ESRRB: variants seen among roughly 807,000 people sequenced by gnomAD.
ESRRB encodes steroid hormone receptor ERR2.
A neutral mutation model predicts 46.0 loss-of-function variants in ESRRB; 16 were observed. That is an observed-to-expected ratio of 0.35 (90% CI 0.24 to 0.53). The LOEUF is 0.53. Among genes scored for constraint, ESRRB ranks in the 20% least tolerant of loss-of-function variants. The probability of loss-of-function intolerance (pLI) is 0.93; values close to 1 mark genes in which losing one functional copy is unlikely to be tolerated. For synonymous variants in ESRRB, 246 were observed against 259.6 expected, an observed-to-expected ratio of 0.95 and a Z score of 0.50; for missense variants, 488 against 607.4, an observed-to-expected ratio of 0.80 and a Z score of 2.07.
intron 1 of ESRRB, among the ~76,000 whole-genome samples, chr14:76,366,202 G>C (rs1884520320): frequency 6.6e-6 from 1 of 152,178 alleles, no homozygotes; most frequent in Non-Finnish European, 1.5e-5. Flanking sequence ...GTGAGGATAA[G>C]TTGCTGGGGT....
chr14:76,358,323 A>AAAAGAAAGAAAG lies in ESRRB; in HGVS notation c.2+47487_2+47498dup, dbSNP rs869092343. Among the ~76,000 whole-genome samples the AAAAGAAAGAAAG allele has an allele frequency of 1.3e-3, 67 of 53,088 alleles. 1 individual carries two copies. The highest frequency in any genetic ancestry group is 1.7e-3 in the South Asian group (2 of 1,210). 34.8% of individuals were successfully genotyped at this position (53,088 alleles called of 152,430 possible). A position where few individuals can be genotyped will look rare whatever the true frequency, so the allele number is the denominator to read the frequency against. On this transcript the variant is annotated intron_variant, in intron 1 of 6. Coordinates refer to the ESRRB transcript ENST00000512784. ...CAAGACTCTGTCTCAAAAAAAAAAA[A>AAAAGAAAGAAAG]AAAGAAAGAAAGAAAGAAAGAAAGA...
chr14:76,378,494 G>A (rs1273046100), intron 1 of ESRRB, among the ~76,000 whole-genome samples: 2 of 151,266 alleles, frequency 1.3e-5, no homozygotes, highest in East Asian at 2.0e-4. Context: ...AACCCTTTCC[G>A]GTTTTTTTTT....
At chr14:76,428,702 G>T (rs1414341525) in intron 1 of ESRRB, among the ~76,000 whole-genome samples, 1 of 152,148 alleles carries the variant, frequency 6.6e-6, no homozygotes, top group Non-Finnish European at 1.5e-5. Flanking sequence ...CAGCCACTCT[G>T]CCTCCAATTG....
intron 1 of ESRRB, among the ~76,000 whole-genome samples, chr14:76,319,820 T>C (rs181907312): frequency 8.5e-5 from 13 of 152,264 alleles, no homozygotes; most frequent in Non-Finnish European, 1.5e-4. Flanking sequence ...AGAGCCAGTG[T>C]TAACCTAATG....
intron 1 of ESRRB, among the ~76,000 whole-genome samples, chr14:76,397,040 G>A (rs1171320522): frequency 6.6e-6 from 1 of 152,224 alleles, no homozygotes; most frequent in Non-Finnish European, 1.5e-5. Flanking sequence ...GACATGAAAG[G>A]GGCCCTGGGC....
intron 1 of ESRRB, among the ~76,000 whole-genome samples, chr14:76,348,898 C>T (rs1047217503): frequency 2.0e-5 from 3 of 152,078 alleles, no homozygotes; most frequent in Admixed American, 6.5e-5. Context: ...GAAACTTCCA[C>T]GGAGTAATAA....
intron 3 of ESRRB, among the ~76,000 whole-genome samples, chr14:76,481,103 C>G (rs956388585): frequency 6.6e-6 from 1 of 152,220 alleles, no homozygotes; most frequent in Admixed American, 6.5e-5. Flanking sequence ...GGGGCACCTG[C>G]TCTCTGGTGC....
chr14:76,347,035 T>C (rs1169932943), intron 1 of ESRRB, among the ~76,000 whole-genome samples: 1 of 152,132 alleles, frequency 6.6e-6, no homozygotes, highest in Non-Finnish European at 1.5e-5. Flanking sequence ...CAGATGCCAC[T>C]ATGGGGGCTG....
upstream of ESRRB, among the ~76,000 whole-genome samples, chr14:76,370,722 G>A (rs181884169): frequency 6.6e-6 from 1 of 152,066 alleles, no homozygotes; most frequent in East Asian, 1.9e-4. Context: ...CAGTCATAAT[G>A]TGCTCCTATT....
intron 1 of ESRRB, among the ~76,000 whole-genome samples, chr14:76,384,697 G>C (rs892501620): frequency 4.6e-5 from 7 of 152,136 alleles, no homozygotes; most frequent in African/African-American, 1.7e-4. Context: ...TTGCTCCTTG[G>C]TTCCTCTGGC....
intron 1 of ESRRB, among the ~76,000 whole-genome samples, chr14:76,396,199 C>CAAAAAT (rs1383036675): frequency 7.0e-6 from 1 of 142,292 alleles, no homozygotes; most frequent in African/African-American, 2.5e-5. Context: ...AAAACAAAAA[C>CAAAAAT]AAAAAACAAA....
chr14:76,340,242 C>A (rs1007520742), intron 1 of ESRRB, among the ~76,000 whole-genome samples: 1 of 152,192 alleles, frequency 6.6e-6, no homozygotes, highest in Non-Finnish European at 1.5e-5. Flanking sequence ...TCAGATAACA[C>A]CCCTCAGAGT....
chr14:76,329,407 A>G (rs915081505), intron 1 of ESRRB, among the ~76,000 whole-genome samples: 1 of 152,100 alleles, frequency 6.6e-6, no homozygotes, highest in African/African-American at 2.4e-5. Context: ...GTGAATCCCA[A>G]TGCCGGCTGG....
At chr14:76,422,394 G>A (rs1190677264) in intron 1 of ESRRB, among the ~76,000 whole-genome samples, 1 of 151,578 alleles carries the variant, frequency 6.6e-6, no homozygotes, top group Admixed American at 6.6e-5. Flanking sequence ...TTGTATTTTA[G>A]TAGAGACAAG....
At chr14:76,451,933 C>T (rs572111157) in intron 2 of ESRRB, among the ~76,000 whole-genome samples, 1 of 148,524 alleles carries the variant, frequency 6.7e-6, no homozygotes, top group East Asian at 2.0e-4. Flanking sequence ...GCCACTGCGC[C>T]CAGCAGGAAG....
chr14:76,392,884 A>G (rs1885524389), intron 1 of ESRRB, among the ~76,000 whole-genome samples: 1 of 152,190 alleles, frequency 6.6e-6, no homozygotes, highest in African/African-American at 2.4e-5. Context: ...TCCCTGGGTC[A>G]GTAGCCCTGG....
chr14:76,363,497 A>G (rs1346807019), intron 1 of ESRRB, among the ~76,000 whole-genome samples: 2 of 152,202 alleles, frequency 1.3e-5, no homozygotes, highest in African/African-American at 4.8e-5. Flanking sequence ...ACCCTTTGGC[A>G]TCATTCCATA....
At chr14:76,438,280 C>G (rs1258334606) in intron 1 of ESRRB, among the ~76,000 whole-genome samples, 1 of 152,130 alleles carries the variant, frequency 6.6e-6, no homozygotes, top group African/African-American at 2.4e-5. Flanking sequence ...TGGTTCCGAT[C>G]TTAGTGAAGG....
intron 1 of ESRRB, among the ~76,000 whole-genome samples, chr14:76,428,153 C>T (rs565884110): frequency 1.3e-4 from 20 of 152,234 alleles, no homozygotes; most frequent in African/African-American, 4.8e-4. Context: ...CATGCACCAC[C>T]ATGCCTGGCT....
Sources: gnomAD v4.1 joint callset for allele counts (sites outside exome capture counted in the v4.1 genomes callset) on GRCh38, gnomAD v4.1.1 for gene constraint, MANE v1.5 for transcripts, NCBI Gene and HGNC (gene_info 2026-07-23, HGNC 2026-07-21) for gene names.